The following CD79B variants were observed in gnomAD, a reference collection of about 807,000 sequenced individuals.
CD79B encodes the protein CD79b molecule.
In CD79B, 7 loss-of-function variants were observed where a neutral mutation model predicts 30.0. The observed-to-expected ratio is 0.23, with a 90% CI of 0.13 to 0.44. CD79B has a LOEUF of 0.44. Among genes scored for constraint, CD79B ranks in the 20% least tolerant of loss-of-function variants. The pLI is 1.00. For synonymous variants in CD79B, 118 were observed against 119.2 expected (o/e 0.99, Z 0.07); for missense variants, 218 against 299.1 (o/e 0.73, Z 2.00).
In CD79B at chr17:63,930,294, G is replaced by A; in HGVS notation, c.210C>T (p.Ala70=). ...TVKMHCYMNS[A]SGNVSWLWKQ... is the part of the protein sequence containing the mutation. ...TCCAGAGCCAGCTCACATTGCCGGA[G>A]GCGCTGTTCATGTAGCAGTGCATTT... is the stretch of plus-strand genomic sequence containing the variant. The change falls in exon 3 of 6, where the codon GCC becomes GCT. Residue 70 remains alanine, a synonymous_variant. Transcript: ENST00000006750. 1 of 1,614,234 alleles carries A rather than the reference G, an allele frequency of 6.2e-7. No homozygotes were observed. Among genetic ancestry groups the A allele is most frequent in the Non-Finnish European group, 8.5e-7 (1 of 1,180,038 alleles).
chr17:63,929,660 G>T, intron 4 of CD79B, 110 bp downstream of exon 4: 1 of 975,616 alleles, frequency 1.0e-6, no homozygotes. Flanking sequence ...GGGACAGGCT[G>T]GACCAAGAAG....
intron 2 of CD79B, chr17:63,930,969 C>T (rs759296548): frequency 1.1e-5 from 4 of 362,372 alleles, no homozygotes; most frequent in South Asian, 5.3e-5. Flanking sequence ...GAGCACTGCC[C>T]GGGAATCCCT....
In CD79B at chr17:63,929,699, C is replaced by G. The variant is rs562351045; in HGVS notation, c.549+71G>C. On this transcript the variant is annotated intron_variant, in intron 4 of 5. Transcript: ENST00000006750. ...ACAACGAGAGCTGGGGAGATGGAGACCCTGCATATGCCTGGCCTATGCGGT... is the reference window on the plus strand; with the variant it reads ...ACAACGAGAGCTGGGGAGATGGAGAGCCTGCATATGCCTGGCCTATGCGGT... 2.4e-4 allele frequency: 277 copies of G among 1,148,536 alleles called. No individual in the cohort carries two copies. In the African/African-American group the frequency reaches 3.8e-3, roughly 16 times the overall value. 71.1% of individuals were successfully genotyped at this position (1,148,536 alleles called of 1,614,324 possible). A position where few individuals can be genotyped will look rare whatever the true frequency, so the allele number is the denominator to read the frequency against.
intron 1 of CD79B, chr17:63,931,987 A>C (rs1014703803): frequency 9.2e-6 from 6 of 654,090 alleles, no homozygotes; most frequent in Non-Finnish European, 1.7e-5. Context: ...CTCTCCAGGC[A>C]GGAGAGGAAC....
chr17:63,930,596 ACT>A (rs908557106), intron 2 of CD79B: 7 of 606,676 alleles, frequency 1.2e-5, no homozygotes, highest in Admixed American at 2.8e-5. Flanking sequence ...AAGCTCTCAG[ACT>A]CCACCTCTTC....
chr17:63,930,108 G>A lies in CD79B; in HGVS notation c.396C>T (p.Val132=). Residue 132 remains valine, a synonymous_variant, in exon 3 of 6, where the codon GTC becomes GTT. Transcript: ENST00000006750. ...CQQKCNNTSE[V]YQGCGTELRV... is the part of the protein sequence containing the mutation. ...GCAGCTCTGTGCCGCAGCCCTGGTA[G>A]ACCTCCGAGGTGTTGTTGCACTTCT... 2 of 1,614,144 alleles carry A rather than the reference G, an allele frequency of 1.2e-6. No individual in the cohort carries two copies. Among genetic ancestry groups the A allele is most frequent in the Non-Finnish European group, 1.7e-6 (2 of 1,180,010 alleles).
rs369038821 is a variant in CD79B, at chr17:63,929,908, G to T, written c.431-20C>A. On this transcript the variant is annotated intron_variant, in intron 3 of 5. Coordinates refer to ENST00000006750, the MANE Select transcript of CD79B (RefSeq NM_000626.4). ...TGAATCCTGCGGGGACAGGGGTGGGGTTGTGAGCCTGGGCCACAGTCCACC... is the reference window on the plus strand; with the variant it reads ...TGAATCCTGCGGGGACAGGGGTGGGTTTGTGAGCCTGGGCCACAGTCCACC... The T allele has an allele frequency of 1.9e-6, 3 of 1,591,240 alleles. No homozygotes were observed. Among genetic ancestry groups the T allele is most frequent in the Non-Finnish European group, 8.6e-7 (1 of 1,159,560 alleles).
chr17:63,930,435 T>C (rs373828776), intron 2 of CD79B, 50 bp from the exon 3 acceptor site: 94 of 1,548,708 alleles, frequency 6.1e-5, no homozygotes, highest in Non-Finnish European at 7.3e-5. Flanking sequence ...TCTTCCTGAG[T>C]GCCAGCCCCA....
chr17:63,930,024 C>G, intron 3 of CD79B, 50 bp downstream of exon 3: 1 of 1,602,118 alleles, frequency 6.2e-7, no homozygotes, highest in South Asian at 1.1e-5. Context: ...GCAGGCCGGG[C>G]TAGGGTGGGG....
At chr17:63,931,782 C>T (rs1567811517) in intron 1 of CD79B, 1 of 353,376 alleles carries the variant, frequency 2.8e-6, no homozygotes, top group Non-Finnish European at 5.3e-6. Flanking sequence ...AAGAAAGTCA[C>T]AGCCCGGAGG....
At chr17:63,931,946 G>A in intron 1 of CD79B, 1 of 580,796 alleles carries the variant, frequency 1.7e-6, no homozygotes, top group East Asian at 3.0e-5. Flanking sequence ...GCTAACTCTG[G>A]TTTGCTCCTC....
chr17:63,931,347 G>T lies in CD79B; in HGVS notation c.106C>A (p.Arg36=). The part of the protein sequence containing the change: ...VPAARSEDRY[R]NPKGSACSRI... ...CGAGGCTACTGACCTTTGGGATTCC[G>T]GTACCGGTCCTCCGATCTGGCTGCT... is the stretch of plus-strand genomic sequence containing the variant. The change falls in exon 2 of 6, where the codon CGG becomes AGG. Residue 36 remains arginine (R), a synonymous_variant. Coordinates refer to ENST00000006750, the MANE Select transcript of CD79B (RefSeq NM_000626.4). 5 of 1,614,042 alleles carry T rather than the reference G, an allele frequency of 3.1e-6. No individual in the cohort carries two copies. The South Asian group carries it at 5.5e-5, about 18-fold the overall frequency.
At chr17:63,932,072 G>A (rs1908165859) in intron 1 of CD79B, 123 bp downstream of exon 1, 2 of 899,108 alleles carry the variant, frequency 2.2e-6, no homozygotes, top group Non-Finnish European at 3.6e-6. Context: ...GCCATGAGAG[G>A]GAGACAGGCG....
chr17:63,929,284 A>T lies in CD79B; in HGVS notation c.632T>A (p.Val211Glu). The part of the protein sequence containing the change: ...IDQTATYEDI[V>E]TLRTGEVKWS... ...CTTCACTTCCCCTGTCCGCAGCGTC[A>T]CTATGTCCTCATAGGTGGCTGTCTG... Residue 211 changes from valine (V) to glutamate (E), a missense_variant, in exon 6 of 6, where the codon GTG becomes GAG. Val to Glu is a moderately radical substitution (Grantham distance 121). Transcript: ENST00000006750. The T allele has an allele frequency of 6.2e-7, 1 of 1,614,050 alleles. No homozygotes were observed. Among genetic ancestry groups the T allele is most frequent in the Non-Finnish European group, 8.5e-7 (1 of 1,179,978 alleles).
intron 4 of CD79B, 26 bp from the exon 5 acceptor site, chr17:63,929,501 A>C (rs768350690): frequency 2.5e-6 from 4 of 1,613,134 alleles, no homozygotes; most frequent in Non-Finnish European, 3.4e-6. Context: ...GATGGAGATC[A>C]GAGTGTTAGT....
chr17:63,932,182 G>A lies in CD79B; in HGVS notation c.67+13C>T, dbSNP rs370803769. 1.6e-5 allele frequency: 26 copies of A among 1,611,782 alleles called. No homozygotes were observed. Among genetic ancestry groups the A allele is most frequent in the Middle Eastern group, 1.6e-4 (1 of 6,080 alleles). On this transcript the variant is annotated intron_variant, in intron 1 of 5. Coordinates refer to ENST00000006750, the MANE Select transcript of CD79B (RefSeq NM_000626.4). ...GAGAGCAAACCCCACAGGCCTCGTC[G>A]TGGGTTCTGTACCTGAGAGCAGCAG... is the stretch of plus-strand genomic sequence containing the variant.
At chr17:63,931,854 G>A in intron 1 of CD79B, 1 of 455,810 alleles carries the variant, frequency 2.2e-6, no homozygotes, top group Non-Finnish European at 4.1e-6. Context: ...GGTCCGGTTG[G>A]GACAGCCTCT....
chr17:63,930,499 C>A (rs1227837504), intron 2 of CD79B, 114 bp from the exon 3 acceptor site: 10 of 977,222 alleles, frequency 1.0e-5, no homozygotes, highest in Non-Finnish European at 1.4e-5. Flanking sequence ...GTCCTTGCTT[C>A]TCAGGGTGTG....
rs778771873 is a variant in CD79B at position 63,930,220 on chromosome 17, C to T, written c.284G>A (p.Arg95His). The T allele has an allele frequency of 7.4e-6, 12 of 1,614,078 alleles. No homozygotes were observed. Among genetic ancestry groups the T allele is most frequent in the South Asian group, 3.3e-5 (3 of 91,096 alleles). The change falls in exon 3 of 6, where the codon CGC (arginine) becomes CAC (histidine). Residue 95 changes from arginine (R) to histidine (H), a missense_variant. Physicochemically the swap from Arg to His is conservative, Grantham distance 29. Transcript: ENST00000006750. ...AGATTCGTTCTGGGACTCTTCCATG[C>T]GGCCCTTTTCCAGCTTCAGCTGCTG... ...NPQQLKLEKG[R>H]MEESQNESLA...
Sources: gnomAD v4.1 joint callset for allele counts on GRCh38, gnomAD v4.1.1 for gene constraint, MANE v1.5 for transcripts, NCBI Gene and HGNC (gene_info 2026-07-23, HGNC 2026-07-21) for gene names.